DLGAP2: variants seen among roughly 807,000 people sequenced by gnomAD.
The protein encoded by DLGAP2 is DLG associated protein 2.
DLGAP2 carries 26 observed loss-of-function variants against 100.3 expected under a neutral mutation model. The ratio of observed to expected loss-of-function variants is 0.26; its 90% CI spans 0.19 to 0.36. The LOEUF (loss-of-function observed/expected upper bound fraction) is 0.36. Among genes scored for constraint, DLGAP2 ranks in the 10% least tolerant of loss-of-function variants. The pLI, the probability that DLGAP2 is intolerant of heterozygous loss-of-function variation, is 1.00. For synonymous variants in DLGAP2, 886 were observed against 630.1 expected, an observed-to-expected ratio of 1.41 and a Z score of -6.08; for missense variants, 1,858 against 1,453.2, an observed-to-expected ratio of 1.28 and a Z score of -4.53.
At chr8:972,240 C>T (rs1800031560) in intron 2 of DLGAP2, among the ~76,000 whole-genome samples, 1 of 152,166 alleles carries the variant, frequency 6.6e-6, no homozygotes, top group Admixed American at 6.5e-5. Flanking sequence ...TTCACTATAT[C>T]CATCATGCAA....
At chr8:1,313,921 C>T (rs1450480990) in intron 3 of DLGAP2, among the ~76,000 whole-genome samples, 1 of 152,076 alleles carries the variant, frequency 6.6e-6, no homozygotes, top group African/African-American at 2.4e-5. Flanking sequence ...CGCACGGTAG[C>T]TTTCCACACA....
At chr8:1,325,053 C>T (rs1161875850) in intron 3 of DLGAP2, among the ~76,000 whole-genome samples, 2 of 152,198 alleles carry the variant, frequency 1.3e-5, no homozygotes, top group East Asian at 3.9e-4. Flanking sequence ...CAACCTGAAC[C>T]GATGGATGCT....
chr8:1,126,782 G>A (rs1242980508), intron 2 of DLGAP2, among the ~76,000 whole-genome samples: 1 of 152,124 alleles, frequency 6.6e-6, no homozygotes, highest in East Asian at 1.9e-4. Context: ...AGGGGTCCAG[G>A]AGACCAGACG....
At chr8:1,176,373 A>G (rs1216266115) in intron 2 of DLGAP2, among the ~76,000 whole-genome samples, 1 of 152,148 alleles carries the variant, frequency 6.6e-6, no homozygotes, top group Non-Finnish European at 1.5e-5. Flanking sequence ...GGGTGGGGAC[A>G]CAGAGCCAAA....
chr8:1,625,054 T>C (rs893113838), intron 6 of DLGAP2, among the ~76,000 whole-genome samples: 2 of 152,188 alleles, frequency 1.3e-5, no homozygotes, highest in Non-Finnish European at 2.9e-5. Context: ...TTCTCTGATA[T>C]TCCATTTTTA....
At chr8:1,153,959 C>T (rs1020177170) in intron 2 of DLGAP2, among the ~76,000 whole-genome samples, 1 of 152,060 alleles carries the variant, frequency 6.6e-6, no homozygotes, top group Non-Finnish European at 1.5e-5. Flanking sequence ...TTCATGTTTG[C>T]AGTGATCTTA....
intron 2 of DLGAP2, among the ~76,000 whole-genome samples, chr8:1,075,331 C>T (rs2129038177): frequency 6.6e-6 from 1 of 152,162 alleles, no homozygotes; most frequent in East Asian, 1.9e-4. Flanking sequence ...CGGATTGAGG[C>T]GTGCATTGTG....
At chr8:1,105,397 G>C (rs761991138) in intron 2 of DLGAP2, among the ~76,000 whole-genome samples, 1 of 152,104 alleles carries the variant, frequency 6.6e-6, no homozygotes, top group Non-Finnish European at 1.5e-5. Context: ...CAGGTTCCCC[G>C]CATTCTCACC....
intron 1 of DLGAP2, among the ~76,000 whole-genome samples, chr8:876,992 T>C (rs1158776869): frequency 1.3e-5 from 2 of 148,950 alleles, no homozygotes; most frequent in Non-Finnish European, 3.0e-5. Context: ...TTCTATATTT[T>C]TACCAGGTTT....
rs527266259 is a variant in DLGAP2 at position 1,215,777 on chromosome 8, C to T, written c.74-43074C>T. 1.7e-4 allele frequency among the ~76,000 whole-genome samples: 21 copies of T among 123,190 alleles called. 2 individuals are homozygous for T. Among genetic ancestry groups the T allele is most frequent in the African/African-American group, 5.5e-4 (14 of 25,490 alleles). 80.8% of individuals were successfully genotyped at this position (123,190 alleles called of 152,430 possible). Reference sequence around the variant, plus strand: ...GGATGGGTTCATTTGGGTGCATCACCTGGAGACGTCCAGGTACCTATATGG... The same window carrying T: ...GGATGGGTTCATTTGGGTGCATCACTTGGAGACGTCCAGGTACCTATATGG... On this transcript the variant is annotated intron_variant, in intron 2 of 14. Transcript: ENST00000637795.
intron 3 of DLGAP2, among the ~76,000 whole-genome samples, chr8:1,477,448 G>A (rs1049198066): frequency 2.0e-5 from 3 of 152,124 alleles, no homozygotes; most frequent in African/African-American, 7.2e-5. Context: ...CTGCTGGGCC[G>A]ATTCAAGTTC....
chr8:1,630,280 A>G (rs1415721915), intron 7 of DLGAP2, among the ~76,000 whole-genome samples: 1 of 152,326 alleles, frequency 6.6e-6, no homozygotes, highest in East Asian at 1.9e-4. Flanking sequence ...GTCCAGCCCT[A>G]GGCCACGAGA....
At chr8:841,402 A>T (rs1053752882) in intron 1 of DLGAP2, among the ~76,000 whole-genome samples, 5 of 152,150 alleles carry the variant, frequency 3.3e-5, no homozygotes. Context: ...AGCCTTTCGT[A>T]GATGTTCATG....
At chr8:837,175 C>T (rs1172650429) in intron 1 of DLGAP2, among the ~76,000 whole-genome samples, 2 of 152,132 alleles carry the variant, frequency 1.3e-5, no homozygotes, top group African/African-American at 2.4e-5. Flanking sequence ...ATCCCGGGAG[C>T]GGATGCGCTC....
intron 2 of DLGAP2, among the ~76,000 whole-genome samples, chr8:1,161,427 A>C (rs1433569871): frequency 6.6e-6 from 1 of 152,230 alleles, no homozygotes; most frequent in African/African-American, 2.4e-5. Context: ...AGAGATCAAA[A>C]GGCTTTAAAT....
chr8:1,361,030 T>C (rs1801971640), intron 3 of DLGAP2, among the ~76,000 whole-genome samples: 1 of 152,204 alleles, frequency 6.6e-6, no homozygotes, highest in African/African-American at 2.4e-5. Context: ...GGAAGGAAAC[T>C]CTTCTGTGAT....
At chr8:1,306,864 C>G (rs1442272335) in intron 3 of DLGAP2, among the ~76,000 whole-genome samples, 3 of 152,126 alleles carry the variant, frequency 2.0e-5, no homozygotes, top group Admixed American at 6.5e-5. Flanking sequence ...TGAAGCTGAA[C>G]TCATACCTTA....
chr8:1,374,937 T>A (rs1194706026), intron 3 of DLGAP2, among the ~76,000 whole-genome samples: 2 of 152,136 alleles, frequency 1.3e-5, no homozygotes, highest in African/African-American at 2.4e-5. Flanking sequence ...AGCCAGGGCA[T>A]TGTCCTCACT....
intron 3 of DLGAP2, among the ~76,000 whole-genome samples, chr8:1,272,529 A>G (rs1273886234): frequency 6.6e-6 from 1 of 152,302 alleles, no homozygotes; most frequent in East Asian, 1.9e-4. Flanking sequence ...TCTGTGTTCC[A>G]TATAAATATA....
Sources: gnomAD v4.1 joint callset for allele counts (sites outside exome capture counted in the v4.1 genomes callset) on GRCh38, gnomAD v4.1.1 for gene constraint, MANE v1.5 for transcripts, NCBI Gene and HGNC (gene_info 2026-07-23, HGNC 2026-07-21) for gene names.